Variants in ZNF460 observed in about 807,000 individuals in gnomAD.
ZNF460 encodes zinc finger protein 460.
In ZNF460, 1 loss-of-function variant was observed where a neutral mutation model predicts 8.4. The observed-to-expected ratio is 0.12, with a 90% CI of 0.04 to 0.56. The LOEUF is 0.56. ZNF460 is among the 20% of genes least tolerant of loss of function. The probability of loss-of-function intolerance (pLI) is 0.91; values close to 1 mark genes in which losing one functional copy is unlikely to be tolerated. For missense variants in ZNF460, 477 were observed against 714.8 expected (o/e 0.67, Z 3.79); for synonymous variants, 262 against 259.9 (o/e 1.01, Z -0.08).
At position 57,282,531 on chromosome 19, in the gene ZNF460, A is replaced by G. The variant is rs528405952; in HGVS notation, c.30+1695A>G. Among the ~76,000 whole-genome samples, 9 of 152,320 alleles carry G rather than the reference A, an allele frequency of 5.9e-5. No homozygotes were observed. In the South Asian group the frequency reaches 1.9e-3, roughly 32 times the overall value. On this transcript the variant is annotated intron_variant, in intron 1 of 2. Transcript: ENST00000360338. ...TGATTCTTTGGTGAGGTGGATGATGATGACTACACTTCTCTGCCCTTGTCC... is the reference window on the plus strand; with the variant it reads ...TGATTCTTTGGTGAGGTGGATGATGGTGACTACACTTCTCTGCCCTTGTCC...
intron 2 of ZNF460, among the ~76,000 whole-genome samples, chr19:57,289,881 C>T (rs1488537150): frequency 6.6e-6 from 1 of 152,002 alleles, no homozygotes; most frequent in Non-Finnish European, 1.5e-5. Flanking sequence ...TGGCTCACAC[C>T]TGTAATTCTA....
chr19:57,293,493 T>C lies in ZNF460; in HGVS notation c.*1263T>C, dbSNP rs943686589. ...TCTTTTGGTATTCTTTTTGTTTCTT[T>C]TATTGTTTTTAATTGACAATGTTTA... On this transcript the variant is annotated 3_prime_UTR_variant, in exon 3 of 3. Transcript: ENST00000360338. 3.3e-5 allele frequency: 5 copies of C among 152,230 alleles called. No homozygotes were observed. Among genetic ancestry groups the C allele is most frequent in the Non-Finnish European group, 7.3e-5 (5 of 68,036 alleles). 9.4% of individuals were successfully genotyped at this position (152,230 alleles called of 1,614,324 possible). A position where few individuals can be genotyped will look rare whatever the true frequency, so the allele number is the denominator to read the frequency against.
rs766115533 is a variant in ZNF460, at chr19:57,292,192, A to G, written c.1651A>G (p.Ile551Val). Residue 551 changes from isoleucine to valine, a missense_variant, in exon 3 of 3, where the codon ATC becomes GTC. Transcript: ENST00000360338. Reference protein sequence around the residue: ...SIAAHSSSLDINGFIVEETLP... With the variant: ...SIAAHSSSLDVNGFIVEETLP... Reference sequence around the variant, plus strand: ...TGCCGCTCATTCCTCCTCACTCGACATCAACGGATTCATAGTGGAAGAAAC... The same window carrying G: ...TGCCGCTCATTCCTCCTCACTCGACGTCAACGGATTCATAGTGGAAGAAAC... 4 of 1,613,950 alleles carry G rather than the reference A, an allele frequency of 2.5e-6. No homozygotes were observed. The highest frequency in any genetic ancestry group is 3.4e-6 in the Non-Finnish European group (4 of 1,179,824).
Position 57,280,631 on chromosome 19 carries a change from G to C in ZNF460, c.-176G>C. 1.2e-6 allele frequency: 1 copy of C among 869,170 alleles called. No individual in the cohort carries two copies. The highest frequency in any genetic ancestry group is 1.8e-5 in the South Asian group (1 of 56,230). 53.8% of individuals were successfully genotyped at this position (869,170 alleles called of 1,614,324 possible). A position where few individuals can be genotyped will look rare whatever the true frequency, so the allele number is the denominator to read the frequency against. ...CTAACGAGGTGTCCCACCGGCGCCC[G>C]CCGAGGCCTAGGCCTCCGCAGCCGC... On this transcript the variant is annotated 5_prime_UTR_variant, in exon 1 of 3. Coordinates refer to ENST00000360338, the MANE Select transcript of ZNF460 (RefSeq NM_006635.4).
chr19:57,283,070 C>T (rs948637000), intron 1 of ZNF460, among the ~76,000 whole-genome samples: 24 of 150,654 alleles, frequency 1.6e-4, no homozygotes, highest in Admixed American at 3.3e-4. Context: ...AGGCCCAGGT[C>T]TCAGGTCCCT....
rs1028990990 is a variant in ZNF460 at position 57,292,977 on chromosome 19, A to T, written c.*747A>T. The T allele has an allele frequency of 1.3e-5, 2 of 152,114 alleles. No homozygotes were observed. The highest frequency in any genetic ancestry group is 4.8e-5 in the African/African-American group (2 of 41,436). 9.4% of individuals were successfully genotyped at this position (152,114 alleles called of 1,614,324 possible). On this transcript the variant is annotated 3_prime_UTR_variant, in exon 3 of 3. Transcript: ENST00000360338. ...ACACTTCAGACGCTTTGACTTTTTT[A>T]AAAAAATTGTTTCTCCGTGTGTCTT...
intron 1 of ZNF460, among the ~76,000 whole-genome samples, chr19:57,282,970 G>A (rs2122883020): frequency 6.6e-6 from 1 of 151,236 alleles, no homozygotes; most frequent in South Asian, 2.1e-4. Flanking sequence ...CAGCCTGGGT[G>A]ACAGAGTGAG....
At chr19:57,284,311 C>T (rs939538516) in intron 1 of ZNF460, among the ~76,000 whole-genome samples, 99 of 151,548 alleles carry the variant, frequency 6.5e-4, no homozygotes, top group African/African-American at 2.2e-3. Context: ...CTGCAATCTC[C>T]GCCTCCCAGG....
In ZNF460 at chr19:57,292,099, A is replaced by T. The variant is rs745659297; in HGVS notation, c.1558A>T (p.Ile520Phe). Residue 520 changes from isoleucine to phenylalanine, a missense_variant, in exon 3 of 3, where the codon ATT becomes TTT. Physicochemically the swap from Ile to Phe is conservative, Grantham distance 21. This residue lies in a region of ZNF460 where 83 missense variants were observed against 82.3 expected (regional missense o/e 1.01). Transcript: ENST00000360338. ...CGTTTCTTGTGAGAGCACAGATCTC[A>T]TTCAACACTCCATCATCCACACTGA... is the stretch of plus-strand genomic sequence containing the variant. ...GNVSCESTDLIQHSIIHTESS... is the reference protein window; with the variant it reads ...GNVSCESTDLFQHSIIHTESS... 3.2e-5 allele frequency: 51 copies of T among 1,613,810 alleles called. No homozygotes were observed. Among genetic ancestry groups the T allele is most frequent in the Non-Finnish European group, 4.3e-5 (51 of 1,179,784 alleles).
chr19:57,290,341 A>C (rs1388254670), intron 2 of ZNF460, among the ~76,000 whole-genome samples: 3 of 151,462 alleles, frequency 2.0e-5, no homozygotes, highest in Non-Finnish European at 4.4e-5. Flanking sequence ...GCGGTGGCTC[A>C]GTCTTGACTC....
At chr19:57,283,644 G>A (rs1005842271) in intron 1 of ZNF460, among the ~76,000 whole-genome samples, 1 of 151,068 alleles carries the variant, frequency 6.6e-6, no homozygotes, top group Non-Finnish European at 1.5e-5. Flanking sequence ...TGGGATTGCA[G>A]GCTTGTGCCA....
Position 57,290,784 on chromosome 19 carries a change from A to G in ZNF460, c.243A>G (p.Ala81=). 1 of 1,614,188 alleles carries G rather than the reference A, an allele frequency of 6.2e-7. No homozygotes were observed. The highest frequency in any genetic ancestry group is 8.5e-7 in the Non-Finnish European group (1 of 1,180,038). ...PEEVSLQEQL[A]QGVPRYSYLG... Reference sequence around the variant, plus strand: ...AAGTCTCACTCCAGGAACAGCTGGCACAGGGAGTCCCAAGATACTCCTATT... The same window carrying G: ...AAGTCTCACTCCAGGAACAGCTGGCGCAGGGAGTCCCAAGATACTCCTATT... Residue 81 remains alanine (A), a synonymous_variant, in exon 3 of 3, where the codon GCA becomes GCG. Coordinates refer to ENST00000360338, the MANE Select transcript of ZNF460 (RefSeq NM_006635.4).
At position 57,291,125 on chromosome 19, in the gene ZNF460, C is replaced by T. The variant is rs1437651411; in HGVS notation, c.584C>T (p.Pro195Leu). 1 of 1,614,048 alleles carries T rather than the reference C, an allele frequency of 6.2e-7. No individual in the cohort carries two copies. The highest frequency in any genetic ancestry group is 1.3e-5 in the African/African-American group (1 of 74,912). ...GAGCAGATTCTCCCTCGTGTGAAGCCCTATGATTGCCCAGAATGTGGGAAA... is the reference window on the plus strand; with the variant it reads ...GAGCAGATTCTCCCTCGTGTGAAGCTCTATGATTGCCCAGAATGTGGGAAA... Reference protein sequence around the residue: ...QHEQILPRVKPYDCPECGKAF... With the variant: ...QHEQILPRVKLYDCPECGKAF... The change falls in exon 3 of 3, where the codon CCC becomes CTC. Residue 195 changes from proline (P) to leucine (L), a missense_variant. This residue lies in a region of ZNF460 where 193 missense variants were observed against 391.7 expected (regional missense o/e 0.49). Coordinates refer to ENST00000360338, the MANE Select transcript of ZNF460 (RefSeq NM_006635.4). This position sits in a 1 kb window ranked among gnomAD's most constrained non-coding sequence, Gnocchi z 8.4.
chr19:57,290,223 G>A (rs563688732), intron 2 of ZNF460, among the ~76,000 whole-genome samples: 26 of 152,220 alleles, frequency 1.7e-4, no homozygotes, highest in African/African-American at 4.6e-4. Flanking sequence ...GGCAGATCCC[G>A]GGTGATCCGC....
chr19:57,291,567 G>A lies in ZNF460; in HGVS notation c.1026G>A (p.Gly342=), dbSNP rs775627403. ...GGCCCTTTAAGTGCCTTGAGTGTGGGAAGGCCTTCAACTGCAGGTCACACC... is the reference window on the plus strand; with the variant it reads ...GGCCCTTTAAGTGCCTTGAGTGTGGAAAGGCCTTCAACTGCAGGTCACACC... ...GERPFKCLEC[G]KAFNCRSHLK... is the part of the protein sequence containing the mutation. Residue 342 remains glycine, a synonymous_variant, in exon 3 of 3, where the codon GGG becomes GGA. Transcript: ENST00000360338. The surrounding 1 kb of genome is among the most constrained non-coding windows in gnomAD (Gnocchi z 8.4). 2 of 1,613,988 alleles carry A rather than the reference G, an allele frequency of 1.2e-6. No homozygotes were observed. Among genetic ancestry groups the A allele is most frequent in the Non-Finnish European group, 1.7e-6 (2 of 1,180,006 alleles).
chr19:57,280,530 C>G lies in ZNF460; in HGVS notation c.-277C>G, dbSNP rs113750839. 42 of 525,542 alleles carry G rather than the reference C, an allele frequency of 8.0e-5. No individual in the cohort carries two copies. In the Admixed American group the frequency reaches 1.3e-3, roughly 17 times the overall value. The allele number at this position is 525,542 out of a possible 1,614,324, so 32.6% of individuals were successfully genotyped here. A position where few individuals can be genotyped will look rare whatever the true frequency, so the allele number is the denominator to read the frequency against. On this transcript the variant is annotated 5_prime_UTR_variant, in exon 1 of 3. Transcript: ENST00000360338. ...GCGCTGGGTGGGCGCGTTCTGCGGC[C>G]TGAGCAGGGACGGGTAGTGAAGCGG...
At chr19:57,282,195 G>A (rs4801457) in intron 1 of ZNF460, among the ~76,000 whole-genome samples, 30,819 of 152,096 alleles carry the variant, frequency 0.2, 4,028 homozygotes, top group Non-Finnish European at 0.27. Context: ...GGCTTCCACG[G>A]TGGTTTTATA....
intron 1 of ZNF460, among the ~76,000 whole-genome samples, chr19:57,284,197 T>C (rs902998093): frequency 4.7e-4 from 10 of 21,358 alleles, no homozygotes; most frequent in African/African-American, 2.8e-3. Flanking sequence ...GGAGGCTTTA[T>C]TTATTTATTT....
intron 2 of ZNF460, among the ~76,000 whole-genome samples, chr19:57,290,426 C>T (rs113783420): frequency 4.0e-5 from 6 of 151,828 alleles, no homozygotes; most frequent in East Asian, 3.9e-4. Context: ...TATAGCCGCC[C>T]GCCACCATGC....
Sources: allele counts gnomAD v4.1 joint callset (sites outside exome capture counted in the v4.1 genomes callset), GRCh38; gene constraint gnomAD v4.1.1; regional missense constraint gnomAD v4.1.1; non-coding constraint Gnocchi (gnomAD v3.1); transcripts MANE v1.5; gene names NCBI Gene and HGNC (gene_info 2026-07-23, HGNC 2026-07-21).